The following COL11A1 variants were observed in gnomAD, a reference collection of about 807,000 sequenced individuals.
COL11A1 encodes collagen type XI alpha 1 chain.
In COL11A1, 74 loss-of-function variants were observed where a neutral mutation model predicts 265.2. The ratio of observed to expected loss-of-function variants is 0.28; its 90% CI spans 0.23 to 0.34. COL11A1 has a LOEUF of 0.34. COL11A1 is among the 10% of genes least tolerant of loss of function. COL11A1 has a pLI of 1.00. For missense variants in COL11A1, 2,165 were observed against 2,263.6 expected (o/e 0.96, Z 0.88); for synonymous variants, 816 against 727.6 (o/e 1.12, Z -1.96).
chr1:103,103,687 C>A (rs1378221575), intron 1 of COL11A1, among the ~76,000 whole-genome samples: 2 of 151,822 alleles, frequency 1.3e-5, no homozygotes, highest in Admixed American at 6.6e-5. Context: ...ATATCGAATT[C>A]TTTCTCTTTT....
chr1:102,913,781 T>C, intron 52 of COL11A1, 91 bp from the exon 53 acceptor site: 1 of 1,108,604 alleles, frequency 9.0e-7, no homozygotes. Flanking sequence ...AGGCCATCTC[T>C]TGAGAAAAAT....
rs138712421 is a variant in COL11A1 at position 102,989,762 on chromosome 1, A to C, written c.2341-191T>G. ...ATTCTGATCCCCAATATCATCTCAT[A>C]TTTTCACATTTATTGGCTATAAATT... On this transcript the variant is annotated intron_variant, in intron 28 of 66. Transcript: ENST00000370096. 3.9e-5 allele frequency among the ~76,000 whole-genome samples: 6 copies of C among 152,162 alleles called. No homozygotes were observed. In the East Asian group the frequency reaches 1.2e-3, roughly 29 times the overall value.
chr1:103,076,478 T>C (rs909607832), intron 3 of COL11A1, among the ~76,000 whole-genome samples: 3 of 152,086 alleles, frequency 2.0e-5, no homozygotes, highest in Admixed American at 6.6e-5. Context: ...TTCTATGACC[T>C]CATGAGCTCA....
At chr1:103,023,246 A>C (rs1667245007) in intron 7 of COL11A1, among the ~76,000 whole-genome samples, 1 of 152,232 alleles carries the variant, frequency 6.6e-6, no homozygotes, top group Non-Finnish European at 1.5e-5. Context: ...CATGGAATTA[A>C]CATGTGTATT....
intron 1 of COL11A1, among the ~76,000 whole-genome samples, chr1:103,107,681 A>C (rs1181315417): frequency 6.6e-6 from 1 of 152,130 alleles, no homozygotes; most frequent in Non-Finnish European, 1.5e-5. Flanking sequence ...CATTAGTTAG[A>C]ATCTGAAGAA....
chr1:103,064,114 G>T (rs1006804051), intron 4 of COL11A1, among the ~76,000 whole-genome samples: 2 of 152,150 alleles, frequency 1.3e-5, no homozygotes, highest in Non-Finnish European at 2.9e-5. Context: ...TTCCTTGCTG[G>T]CGGGAATCCA....
chr1:102,942,316 A>G (rs910933930), intron 42 of COL11A1, among the ~76,000 whole-genome samples: 1 of 152,152 alleles, frequency 6.6e-6, no homozygotes, highest in Non-Finnish European at 1.5e-5. Flanking sequence ...TGCCTTCATT[A>G]TAGTACACAT....
Position 103,026,219 on chromosome 1 carries a change from C to T in COL11A1, c.894G>A (p.Thr298=), listed in dbSNP as rs758284077. 1.1e-5 allele frequency: 17 copies of T among 1,606,466 alleles called. No homozygotes were observed. Among genetic ancestry groups the T allele is most frequent in the South Asian group, 2.2e-5 (2 of 90,910 alleles). Residue 298 remains threonine, a synonymous_variant, in exon 6 of 67, where the codon ACG becomes ACA. Coordinates refer to ENST00000370096, the MANE Select transcript of COL11A1 (RefSeq NM_001854.4). ...ACAGGCACTGCTTTGTTTTTACCTC[C>T]GTCTGTGCTATTGTCTCCTCAGTTA... ...PTVTEETIAQ[T]EANIVDDFQE...
At chr1:102,954,849 T>TAA (rs144235911) in intron 41 of COL11A1, among the ~76,000 whole-genome samples, 4 of 140,012 alleles carry the variant, frequency 2.9e-5, no homozygotes, top group African/African-American at 8.3e-5. Flanking sequence ...CCTCTTGAAA[T>TAA]AAAAAAAAAA....
At chr1:103,084,992 T>C (rs1024493245) in intron 1 of COL11A1, among the ~76,000 whole-genome samples, 3 of 152,162 alleles carry the variant, frequency 2.0e-5, no homozygotes, top group Non-Finnish European at 4.4e-5. Context: ...TAATGAAAAA[T>C]GAAATAATTA....
chr1:103,087,316 G>A (rs1672957182), intron 1 of COL11A1, among the ~76,000 whole-genome samples: 1 of 152,116 alleles, frequency 6.6e-6, no homozygotes, highest in African/African-American at 2.4e-5. Flanking sequence ...AGAGCCCAAT[G>A]TGCTACTAAA....
At position 103,038,226 on chromosome 1, in the gene COL11A1, G is replaced by T. The variant is rs557712858; in HGVS notation, c.652-6982C>A. ...ACCAGTAATACTAGCACTTCGGGAG[G>T]CTGAGGTGGGTGGATCACCTGAGGT... is the stretch of plus-strand genomic sequence containing the variant. On this transcript the variant is annotated intron_variant, in intron 4 of 66. Coordinates refer to ENST00000370096, the MANE Select transcript of COL11A1 (RefSeq NM_001854.4). 6.2e-4 allele frequency among the ~76,000 whole-genome samples: 94 copies of T among 152,248 alleles called. 1 individual carries two copies. Among genetic ancestry groups the T allele is most frequent in the African/African-American group, 2.2e-3 (93 of 41,550 alleles).
intron 7 of COL11A1, among the ~76,000 whole-genome samples, chr1:103,023,812 G>T (rs1027632823): frequency 2.6e-5 from 4 of 152,088 alleles, no homozygotes; most frequent in Admixed American, 2.6e-4. Flanking sequence ...ATTATGTAGA[G>T]TATCTCATAT....
intron 38 of COL11A1, among the ~76,000 whole-genome samples, chr1:102,963,965 C>T (rs1661161822): frequency 6.6e-6 from 1 of 151,946 alleles, no homozygotes; most frequent in Non-Finnish European, 1.5e-5. Context: ...TTTGTCTTCA[C>T]ATGAAAGTAT....
rs1303169840 is a variant in COL11A1 at position 102,920,432 on chromosome 1, T to C, written c.3709-68A>G. ...AAAATAATGCATTCGTAAACATATG[T>C]CTAGTTGTTCTCAAAAAAGAGAAAT... is the stretch of plus-strand genomic sequence containing the variant. On this transcript the variant is annotated intron_variant, in intron 48 of 66. Coordinates refer to ENST00000370096, the MANE Select transcript of COL11A1 (RefSeq NM_001854.4). 2.4e-5 allele frequency: 33 copies of C among 1,348,996 alleles called. No individual in the cohort carries two copies. In the South Asian group the frequency reaches 3.5e-4, roughly 14 times the overall value. 83.6% of individuals were successfully genotyped at this position (1,348,996 alleles called of 1,614,324 possible).
chr1:102,995,975 C>CA lies in COL11A1; in HGVS notation c.2295+13dup. 6.2e-7 allele frequency: 1 copy of CA among 1,613,208 alleles called. No individual in the cohort carries two copies. Among genetic ancestry groups the CA allele is most frequent in the South Asian group, 1.1e-5 (1 of 91,066 alleles). On this transcript the variant is annotated intron_variant, in intron 27 of 66. Transcript: ENST00000370096. ...ACTTTGAAAGTAAATAATGTGAAAA[C>CA]AATTTAACGTTACCTTTACTCCCCG...
intron 28 of COL11A1, among the ~76,000 whole-genome samples, chr1:102,990,345 A>T (rs1177580853): frequency 3.9e-5 from 1 of 25,490 alleles, no homozygotes; most frequent in Non-Finnish European, 2.0e-4. Context: ...TTTTTTTTTA[A>T]AATCATGTCC....
chr1:103,104,936 C>G (rs1405157879), intron 1 of COL11A1, among the ~76,000 whole-genome samples: 1 of 152,136 alleles, frequency 6.6e-6, no homozygotes, highest in African/African-American at 2.4e-5. Flanking sequence ...CCTGGGCACT[C>G]AAAACTACAC....
Position 102,914,813 on chromosome 1 carries a change from T to G in COL11A1, c.3817-2A>C. The stretch of plus-strand genomic sequence containing the variant: ...CTCTCCTCTTTCTCCTTTGGGACCC[T>G]AAACAATGTTAAAAAAAAAAAAAGA... On this transcript the variant is annotated splice_acceptor_variant, in intron 50 of 66. Transcript: ENST00000370096. LOFTEE classifies it high-confidence loss of function. The G allele has an allele frequency of 3.4e-6, 5 of 1,460,056 alleles. No individual in the cohort carries two copies. Among genetic ancestry groups the G allele is most frequent in the South Asian group, 1.2e-5 (1 of 84,308 alleles). The allele number at this position is 1,460,056 out of a possible 1,614,324, so 90.4% of individuals were successfully genotyped here.
Sources: gnomAD v4.1 joint callset for allele counts (sites outside exome capture counted in the v4.1 genomes callset) on GRCh38, gnomAD v4.1.1 for gene constraint, MANE v1.5 for transcripts, NCBI Gene and HGNC (gene_info 2026-07-23, HGNC 2026-07-21) for gene names.